Variants in KLK9 observed in about 807,000 individuals in gnomAD.
KLK9 encodes kallikrein related peptidase 9.
Under a neutral mutation model 23.3 loss-of-function variants are expected in KLK9, and 26 were observed. That is an observed-to-expected ratio of 1.12 (90% CI 0.82 to 1.55). The LOEUF (loss-of-function observed/expected upper bound fraction) is 1.55, where lower values mean the gene tolerates loss of function less well. Among genes scored for constraint, KLK9 ranks in the 40% most tolerant of loss-of-function variants. The probability of loss-of-function intolerance (pLI) is 0.00; values close to 1 mark genes in which losing one functional copy is unlikely to be tolerated. For missense variants in KLK9, 346 were observed against 333.7 expected, an observed-to-expected ratio of 1.04 and a Z score of -0.29; for synonymous variants, 122 against 128.5, an observed-to-expected ratio of 0.95 and a Z score of 0.34.
In KLK9 at chr19:51,003,121, A is replaced by G; in HGVS notation, c.743T>C (p.Met248Thr). The stretch of plus-strand genomic sequence containing the variant: ...CCGTGGCGCGCGGGCTCAGTTCTCC[A>G]TGATTTCTTGGATCCAGTCAAGGTA... ...CHYLDWIQEI[M>T]EN Residue 248 changes from methionine to threonine, a missense_variant, in exon 5 of 5, where the codon ATG (methionine) becomes ACG (threonine). Transcript: ENST00000594211. 6.2e-7 allele frequency: 1 copy of G among 1,609,306 alleles called. No individual in the cohort carries two copies. Among genetic ancestry groups the G allele is most frequent in the Non-Finnish European group, 8.5e-7 (1 of 1,177,740 alleles).
rs2091237345 is a variant in KLK9 at position 51,002,690 on chromosome 19, G to C, written c.*421C>G. 6.2e-6 allele frequency: 1 copy of C among 162,006 alleles called. No individual in the cohort carries two copies. The highest frequency in any genetic ancestry group is 1.3e-5 in the Non-Finnish European group (1 of 74,912). The allele number at this position is 162,006 out of a possible 1,614,324, so 10.0% of individuals were successfully genotyped here. ...AGCTCCACGTGGGCGGAGCTACTGC[G>C]CCCCTGACATCACGAGGGGCGAGAT... is the stretch of plus-strand genomic sequence containing the variant. On this transcript the variant is annotated 3_prime_UTR_variant, in exon 5 of 5. Coordinates refer to ENST00000594211, the MANE Select transcript of KLK9 (RefSeq NM_012315.2).
rs778644143 is a variant in KLK9 at position 51,006,772 on chromosome 19, T to C, written c.201-49A>G. ...CAAGCTGGGGGAAAGGTAAAAGTCC[T>C]TTCAGCCCCAGCCCTCTTTTCCTGT... On this transcript the variant is annotated intron_variant, in intron 2 of 4. Coordinates refer to ENST00000594211, the MANE Select transcript of KLK9 (RefSeq NM_012315.2). The surrounding 1 kb of genome is among the most constrained non-coding windows in gnomAD (Gnocchi z 4.1). 1.5e-5 allele frequency: 22 copies of C among 1,503,698 alleles called. No individual in the cohort carries two copies. In the Admixed American group the frequency reaches 3.0e-4, roughly 20 times the overall value. 93.1% of individuals were successfully genotyped at this position (1,503,698 alleles called of 1,614,324 possible).
chr19:51,006,695 G>A lies in KLK9; in HGVS notation c.229C>T (p.His77Tyr), dbSNP rs112211880. 3.7e-5 allele frequency: 60 copies of A among 1,603,832 alleles called. 2 individuals carry two copies. The highest frequency in any genetic ancestry group is 5.0e-5 in the Non-Finnish European group (59 of 1,174,528). ...PYLWVRLGEHHLWKWEGPEQL... is the reference protein window; with the variant it reads ...PYLWVRLGEHYLWKWEGPEQL... Reference sequence around the variant, plus strand: ...TCCGGACCCTCCCATTTCCAGAGGTGGTGCTCTCCAAGGCGGACCCACAGA... The same window carrying A: ...TCCGGACCCTCCCATTTCCAGAGGTAGTGCTCTCCAAGGCGGACCCACAGA... The change falls in exon 3 of 5, where the codon CAC (histidine) becomes TAC (tyrosine). Residue 77 changes from histidine to tyrosine, a missense_variant. Physicochemically the swap from His to Tyr is moderately conservative, Grantham distance 83. Coordinates refer to ENST00000594211, the MANE Select transcript of KLK9 (RefSeq NM_012315.2). The surrounding 1 kb of genome is among the most constrained non-coding windows in gnomAD (Gnocchi z 4.1).
At chr19:51,008,062 G>T (rs1427497129) in intron 2 of KLK9, among the ~76,000 whole-genome samples, 1 of 151,832 alleles carries the variant, frequency 6.6e-6, no homozygotes, top group Non-Finnish European at 1.5e-5. Context: ...TGGGCGCGGT[G>T]GCTCACGCCT....
In KLK9 at chr19:51,003,794, C is replaced by T; in HGVS notation, c.513G>A (p.Glu171=). The T allele has an allele frequency of 6.2e-7, 1 of 1,613,908 alleles. No individual in the cohort carries two copies. The highest frequency in any genetic ancestry group is 8.5e-7 in the Non-Finnish European group (1 of 1,179,784). ...TLQCANISIL[E]NKLCHWAYPG... ...GGTATGCCCAGTGACAGAGTTTGTTCTCCAGGATGCTGATGTTGGCACACT... is the reference window on the plus strand; with the variant it reads ...GGTATGCCCAGTGACAGAGTTTGTTTTCCAGGATGCTGATGTTGGCACACT... The change falls in exon 4 of 5, where the codon GAG becomes GAA. Residue 171 remains glutamate (E), a synonymous_variant. Coordinates refer to ENST00000594211, the MANE Select transcript of KLK9 (RefSeq NM_012315.2).
At chr19:51,003,654 C>A in intron 4 of KLK9, 50 bp downstream of exon 4, 1 of 1,552,620 alleles carries the variant, frequency 6.4e-7, no homozygotes, top group Non-Finnish European at 8.8e-7. Flanking sequence ...TCCCCTAAAT[C>A]CTAGAAAACT....
At chr19:51,003,996 T>C (rs1198301548) in intron 3 of KLK9, among the ~76,000 whole-genome samples, 156 bp from the exon 4 acceptor site, 1 of 151,802 alleles carries the variant, frequency 6.6e-6, no homozygotes, top group African/African-American at 2.4e-5. Flanking sequence ...AGACAGACAG[T>C]CATAGCACAC....
chr19:51,005,093 A>G (rs557993601), intron 3 of KLK9, among the ~76,000 whole-genome samples: 8 of 152,296 alleles, frequency 5.3e-5, no homozygotes, highest in Non-Finnish European at 1.0e-4. Context: ...GAGTTCTTCA[A>G]ACTTTTTCAG....
rs746157170 is a variant in KLK9 at position 51,003,106 on chromosome 19, C to T, written c.*5G>A. 3.1e-6 allele frequency: 5 copies of T among 1,603,656 alleles called. No individual in the cohort carries two copies. The highest frequency in any genetic ancestry group is 2.7e-5 in the African/African-American group (2 of 74,752). ...TCTTCCAAGGTGCCCCCGTGGCGCG[C>T]GGGCTCAGTTCTCCATGATTTCTTG... On this transcript the variant is annotated 3_prime_UTR_variant, in exon 5 of 5. Transcript: ENST00000594211.
intron 2 of KLK9, among the ~76,000 whole-genome samples, chr19:51,007,173 C>T (rs929858374): frequency 7.9e-5 from 12 of 151,820 alleles, no homozygotes; most frequent in African/African-American, 2.9e-4. Flanking sequence ...TATACGTGTG[C>T]GTGTGTATGA....
chr19:51,006,794 C>T lies in KLK9; in HGVS notation c.201-71G>A, dbSNP rs762789041. On this transcript the variant is annotated intron_variant, in intron 2 of 4. Coordinates refer to ENST00000594211, the MANE Select transcript of KLK9 (RefSeq NM_012315.2). This position sits in a 1 kb window ranked among gnomAD's most constrained non-coding sequence, Gnocchi z 4.1. ...TCCTTTCAGCCCCAGCCCTCTTTTC[C>T]TGTCCATCAGGGTGCTGTGTGACCC... 21 of 1,449,732 alleles carry T rather than the reference C, an allele frequency of 1.4e-5. 1 individual carries two copies. The highest frequency in any genetic ancestry group is 1.9e-5 in the Non-Finnish European group (21 of 1,091,838). The allele number at this position is 1,449,732 out of a possible 1,614,324, so 89.8% of individuals were successfully genotyped here. A position where few individuals can be genotyped will look rare whatever the true frequency, so the allele number is the denominator to read the frequency against.
intron 2 of KLK9, among the ~76,000 whole-genome samples, chr19:51,007,289 A>G (rs892471187): frequency 6.6e-6 from 1 of 151,730 alleles, no homozygotes; most frequent in African/African-American, 2.4e-5. Context: ...CCTGGTGTCT[A>G]ACCTTAAGCC....
chr19:51,004,163 A>C (rs1237200312), intron 3 of KLK9, among the ~76,000 whole-genome samples: 1 of 151,658 alleles, frequency 6.6e-6, no homozygotes, highest in Non-Finnish European at 1.5e-5. Context: ...AACATGGTGA[A>C]ACCCCATCTC....
chr19:51,005,467 A>G (rs538410748), intron 3 of KLK9, among the ~76,000 whole-genome samples: 255 of 152,330 alleles, frequency 1.7e-3, no homozygotes, highest in Non-Finnish European at 2.2e-3. Flanking sequence ...ATTCCCACCC[A>G]GCATCTTTTA....
chr19:51,005,754 T>C (rs1017200245), intron 3 of KLK9, among the ~76,000 whole-genome samples: 47 of 151,616 alleles, frequency 3.1e-4, no homozygotes, highest in African/African-American at 1.1e-3. Context: ...ATTATCTGAA[T>C]TAAATCTAAG....
intron 2 of KLK9, among the ~76,000 whole-genome samples, chr19:51,007,087 C>T (rs1225006662): frequency 1.3e-5 from 2 of 151,854 alleles, no homozygotes; most frequent in East Asian, 3.9e-4. Context: ...TACCACATAA[C>T]AACCGCCCCA....
chr19:51,003,344 G>A, intron 4 of KLK9, 84 bp from the exon 5 acceptor site: 1 of 1,401,178 alleles, frequency 7.1e-7, no homozygotes, highest in Admixed American at 2.3e-5. Flanking sequence ...TCCCAGAAAG[G>A]CCCCAGCCCC....
chr19:51,009,403 G>A lies in KLK9; in HGVS notation c.44-64C>T. 1 of 1,544,664 alleles carries A rather than the reference G, an allele frequency of 6.5e-7. No individual in the cohort carries two copies. Among genetic ancestry groups the A allele is most frequent in the Non-Finnish European group, 8.7e-7 (1 of 1,143,444 alleles). ...CAGGCTGGGAGGGCAGGGAGAGGATGCTGAGAAGCCTAGAGGGCAGGAGGC... is the reference window on the plus strand; with the variant it reads ...CAGGCTGGGAGGGCAGGGAGAGGATACTGAGAAGCCTAGAGGGCAGGAGGC... On this transcript the variant is annotated intron_variant, in intron 1 of 4. Coordinates refer to ENST00000594211, the MANE Select transcript of KLK9 (RefSeq NM_012315.2). This position sits in a 1 kb window ranked among gnomAD's most constrained non-coding sequence, Gnocchi z 4.8.
In KLK9 at chr19:51,006,643, A is replaced by G. The variant is rs1568559136; in HGVS notation, c.281T>C (p.Phe94Ser). 1 of 1,612,966 alleles carries G rather than the reference A, an allele frequency of 6.2e-7. No homozygotes were observed. The highest frequency in any genetic ancestry group is 1.3e-5 in the African/African-American group (1 of 74,956). The change falls in exon 3 of 5, where the codon TTC (phenylalanine) becomes TCC (serine). Residue 94 changes from phenylalanine (F) to serine (S), a missense_variant. By Grantham distance (155) the Phe-to-Ser change is radical. Transcript: ENST00000594211. This position sits in a 1 kb window ranked among gnomAD's most constrained non-coding sequence, Gnocchi z 4.1. The part of the protein sequence containing the change: ...PEQLFRVTDF[F>S]PHPGFNKDLS... ...GTCCTTGTTGAAGCCAGGGTGGGGG[A>G]AGAAGTCCGTAACCCGGAACAGCTG... is the stretch of plus-strand genomic sequence containing the variant.
Sources: allele counts gnomAD v4.1 joint callset (sites outside exome capture counted in the v4.1 genomes callset), GRCh38; gene constraint gnomAD v4.1.1; non-coding constraint Gnocchi (gnomAD v3.1); transcripts MANE v1.5; gene names NCBI Gene and HGNC (gene_info 2026-07-23, HGNC 2026-07-21).